The following ATOSA variants were observed in gnomAD, a reference collection of about 807,000 sequenced individuals.
ATOSA encodes the protein atos homolog A.
At chr15:52,618,996 T>C in the ATOSA span, among the ~76,000 whole-genome samples, 2 of 152,220 alleles carry the variant, frequency 1.3e-5, no homozygotes, top group African/African-American at 4.8e-5. Flanking sequence ...AATGTTTAAA[T>C]GAAAAATTTG....
the ATOSA span, among the ~76,000 whole-genome samples, chr15:52,621,218 A>G: frequency 6.6e-6 from 1 of 152,208 alleles, no homozygotes; most frequent in African/African-American, 2.4e-5. Flanking sequence ...TATCTACAAT[A>G]TAAGTAAAAC....
chr15:52,698,339 A>G, the ATOSA span, among the ~76,000 whole-genome samples: 1 of 152,118 alleles, frequency 6.6e-6, no homozygotes, highest in Non-Finnish European at 1.5e-5. Context: ...AATTGTTTTG[A>G]AAAACCACTG....
At chr15:52,592,168 C>T in the ATOSA span, among the ~76,000 whole-genome samples, 1,536 of 152,170 alleles carry the variant, frequency 0.01, 25 homozygotes, top group African/African-American at 0.036. Context: ...TGACAAAAGT[C>T]ATTGTTACTA....
the ATOSA span, among the ~76,000 whole-genome samples, chr15:52,582,583 A>G: frequency 1.3e-5 from 2 of 152,118 alleles, no homozygotes; most frequent in Non-Finnish European, 2.9e-5. Flanking sequence ...AATAAATCTT[A>G]CTTTTCCTCC....
chr15:52,689,650 A>G, the ATOSA span, among the ~76,000 whole-genome samples: 1 of 152,188 alleles, frequency 6.6e-6, no homozygotes, highest in Non-Finnish European at 1.5e-5. Context: ...CCAGCAATCA[A>G]TACCTGACCT....
the ATOSA span, among the ~76,000 whole-genome samples, chr15:52,624,149 C>A: frequency 6.6e-6 from 1 of 152,180 alleles, no homozygotes; most frequent in African/African-American, 2.4e-5. Flanking sequence ...CTCTAGGCAT[C>A]TCCTTATCCA....
the ATOSA span, among the ~76,000 whole-genome samples, chr15:52,627,248 A>G: frequency 6.6e-6 from 1 of 152,214 alleles, no homozygotes; most frequent in Non-Finnish European, 1.5e-5. Context: ...ACAATTTAAG[A>G]GTACCCTGTC....
the ATOSA span, among the ~76,000 whole-genome samples, chr15:52,641,278 C>T: frequency 5.3e-5 from 8 of 152,202 alleles, no homozygotes; most frequent in Non-Finnish European, 8.8e-5. Context: ...GGATATTTTA[C>T]GAGAAAGGCT....
chr15:52,586,469 ACTCT>A, the ATOSA span: 2 of 152,058 alleles, frequency 1.3e-5, no homozygotes, highest in Non-Finnish European at 2.9e-5. Context: ...CCTTAGCTAG[ACTCT>A]CTTTCAGTCT....
At chr15:52,630,299 G>A in the ATOSA span, among the ~76,000 whole-genome samples, 1 of 152,046 alleles carries the variant, frequency 6.6e-6, no homozygotes, top group Non-Finnish European at 1.5e-5. Context: ...GGTTCCTATG[G>A]ACTAAGGAAG....
the ATOSA span, among the ~76,000 whole-genome samples, chr15:52,705,463 C>T: frequency 2.6e-5 from 4 of 151,956 alleles, no homozygotes; most frequent in Non-Finnish European, 5.9e-5. Flanking sequence ...ATGTAACAAA[C>T]CTGCACGTTG....
chr15:52,694,130 G>T, the ATOSA span, among the ~76,000 whole-genome samples: 10 of 149,630 alleles, frequency 6.7e-5, no homozygotes, highest in Admixed American at 3.4e-4. Flanking sequence ...GAGTATGTGT[G>T]TGTGTGCGTG....
the ATOSA span, chr15:52,608,869 T>C: frequency 6.2e-7 from 1 of 1,609,054 alleles, no homozygotes; most frequent in African/African-American, 1.3e-5. Flanking sequence ...TATTTTTGAG[T>C]CATTTTTTTT....
the ATOSA span, among the ~76,000 whole-genome samples, chr15:52,661,610 G>C: frequency 6.6e-6 from 1 of 152,128 alleles, no homozygotes; most frequent in African/African-American, 2.4e-5. Context: ...TTTTAAAGTG[G>C]ATTTAATATG....
At chr15:52,667,907 G>GA in the ATOSA span, among the ~76,000 whole-genome samples, 267 of 152,242 alleles carry the variant, frequency 1.8e-3, no homozygotes, top group African/African-American at 6.3e-3. Flanking sequence ...AAAGACAAAA[G>GA]AAAACAAGTG....
At chr15:52,653,073 C>G in the ATOSA span, among the ~76,000 whole-genome samples, 1 of 152,306 alleles carries the variant, frequency 6.6e-6, no homozygotes, top group East Asian at 1.9e-4. Flanking sequence ...TTGCATTCTT[C>G]CTATAAAATG....
the ATOSA span, among the ~76,000 whole-genome samples, chr15:52,672,142 G>C: frequency 9.0e-6 from 1 of 111,154 alleles, no homozygotes; most frequent in African/African-American, 3.4e-5. Flanking sequence ...AATGAGAACA[G>C]TCTGGGCAAC....
At chr15:52,619,452 C>T in the ATOSA span, among the ~76,000 whole-genome samples, 11 of 152,132 alleles carry the variant, frequency 7.2e-5, no homozygotes, top group East Asian at 2.1e-3. Flanking sequence ...TTTAGAGCAT[C>T]TGAAAAAGTC....
At chr15:52,636,819 GC>G in the ATOSA span, among the ~76,000 whole-genome samples, 5 of 152,322 alleles carry the variant, frequency 3.3e-5, no homozygotes, top group East Asian at 9.6e-4. Flanking sequence ...GCATGGTGGG[GC>G]CTGCATGTAG....
Sources: gnomAD v4.1 joint callset for allele counts (sites outside exome capture counted in the v4.1 genomes callset) on GRCh38, gnomAD v4.1.1 for gene constraint, MANE v1.5 for transcripts, NCBI Gene and HGNC (gene_info 2026-07-23, HGNC 2026-07-21) for gene names.